UIMC1: variants seen among roughly 807,000 people sequenced by gnomAD.
UIMC1 encodes BRCA1-A complex subunit RAP80.
Under a neutral mutation model 84.9 loss-of-function variants are expected in UIMC1, and 42 were observed. The ratio of observed to expected loss-of-function variants is 0.49; its 90% CI spans 0.39 to 0.64. The LOEUF (loss-of-function observed/expected upper bound fraction) is 0.64, where lower values mean the gene tolerates loss of function less well. UIMC1 is among the 30% of genes least tolerant of loss of function. The pLI is 0.00. For synonymous variants in UIMC1, 281 were observed against 293.0 expected, an observed-to-expected ratio of 0.96 and a Z score of 0.42; for missense variants, 825 against 847.6, an observed-to-expected ratio of 0.97 and a Z score of 0.33.
intron 1 of UIMC1, among the ~76,000 whole-genome samples, chr5:176,985,721 C>G (rs1297457410): frequency 6.6e-6 from 1 of 152,162 alleles, no homozygotes; most frequent in African/African-American, 2.4e-5. Flanking sequence ...CCTCCCACCT[C>G]AGCTTCCTGT....
At chr5:176,964,575 AAT>A (rs1362083108) in intron 6 of UIMC1, among the ~76,000 whole-genome samples, 2 of 152,232 alleles carry the variant, frequency 1.3e-5, no homozygotes, top group African/African-American at 4.8e-5. Flanking sequence ...CATAAACTGG[AAT>A]ATAATATAGC....
chr5:176,982,653 G>T, intron 1 of UIMC1, 30 bp from the exon 2 acceptor site: 1 of 1,581,472 alleles, frequency 6.3e-7, no homozygotes, highest in South Asian at 1.2e-5. Context: ...ATTTTGTCTA[G>T]AATAAAAAGA....
Position 176,982,548 on chromosome 5 carries a change from T to C in UIMC1, c.68A>G (p.Glu23Gly), listed in dbSNP as rs1561878479. 2 of 1,614,108 alleles carry C rather than the reference T, an allele frequency of 1.2e-6. No homozygotes were observed. Among genetic ancestry groups the C allele is most frequent in the Admixed American group, 3.3e-5 (2 of 59,964 alleles). Residue 23 changes from glutamate (E) to glycine (G), a missense_variant, in exon 2 of 15, where the codon GAA becomes GGA. Physicochemically the swap from Glu to Gly is moderately conservative, Grantham distance 98. Coordinates refer to ENST00000511320, the MANE Select transcript of UIMC1 (RefSeq NM_001199298.2). ...ESRNLEKKDV[E>G]TTSSVSVKRK... ...CTTCACACTGACAGAACTGGTAGTTTCCACATCCTTCTTCTCCAGGTTCCG... is the reference window on the plus strand; with the variant it reads ...CTTCACACTGACAGAACTGGTAGTTCCCACATCCTTCTTCTCCAGGTTCCG...
chr5:176,940,577 TA>T (rs920793171), intron 10 of UIMC1, among the ~76,000 whole-genome samples: 253 of 147,354 alleles, frequency 1.7e-3, no homozygotes, highest in African/African-American at 5.9e-3. Context: ...AACACTCAGC[TA>T]AAAAAAAAAC....
intron 1 of UIMC1, 107 bp from the exon 2 acceptor site, chr5:176,982,730 C>T (rs182185690): frequency 1.0e-5 from 13 of 1,300,188 alleles, no homozygotes; most frequent in East Asian, 2.6e-5. Context: ...GAGATGGTCT[C>T]GCTTTGTTGC....
intron 1 of UIMC1, among the ~76,000 whole-genome samples, chr5:177,018,458 A>G (rs1277860765): frequency 1.3e-5 from 2 of 152,202 alleles, no homozygotes; most frequent in South Asian, 2.1e-4. Context: ...GCACATACAG[A>G]GTCAGTATTT....
intron 1 of UIMC1, among the ~76,000 whole-genome samples, chr5:176,995,020 A>T (rs1315030742): frequency 1.3e-5 from 2 of 152,072 alleles, no homozygotes; most frequent in Non-Finnish European, 2.9e-5. Context: ...CTGGCTTTTC[A>T]GATAGTGTTA....
intron 10 of UIMC1, among the ~76,000 whole-genome samples, chr5:176,925,078 A>G (rs1762226843): frequency 6.6e-6 from 1 of 152,128 alleles, no homozygotes; most frequent in African/African-American, 2.4e-5. Context: ...AGGCAAGTAC[A>G]CGCTAGAAAA....
At chr5:177,010,034 C>G (rs1025794727), upstream of UIMC1, among the ~76,000 whole-genome samples, 1 of 151,446 alleles carries the variant, frequency 6.6e-6, no homozygotes, top group African/African-American at 2.4e-5. Context: ...TATACAGATG[C>G]CGTGTGGCCA....
intron 10 of UIMC1, among the ~76,000 whole-genome samples, chr5:176,930,371 A>G (rs1482890201): frequency 6.6e-6 from 1 of 152,238 alleles, no homozygotes; most frequent in Non-Finnish European, 1.5e-5. Context: ...GGAAGATTCT[A>G]TAGAGCACAG....
At chr5:176,954,651 C>T (rs1766356392) in intron 8 of UIMC1, among the ~76,000 whole-genome samples, 1 of 150,154 alleles carries the variant, frequency 6.7e-6, no homozygotes, top group South Asian at 2.1e-4. Context: ...ACTCGGGAGG[C>T]TGAGGAGTGA....
At chr5:176,907,284 C>T in intron 12 of UIMC1, 107 bp from the exon 13 acceptor site, 4 of 1,090,658 alleles carry the variant, frequency 3.7e-6, no homozygotes, top group Non-Finnish European at 5.4e-6. Flanking sequence ...GGTGTGGGGG[C>T]CACAGCTCTA....
intron 1 of UIMC1, among the ~76,000 whole-genome samples, chr5:177,005,029 G>A (rs1775062600): frequency 6.6e-6 from 1 of 151,960 alleles, no homozygotes; most frequent in Non-Finnish European, 1.5e-5. Context: ...GAGAAGCTGG[G>A]AACCACAGGC....
intron 8 of UIMC1, among the ~76,000 whole-genome samples, chr5:176,955,478 T>A (rs977056503): frequency 2.0e-5 from 3 of 152,134 alleles, no homozygotes; most frequent in Admixed American, 6.5e-5. Flanking sequence ...ACATCTGTAA[T>A]CCTAGCACTT....
rs77791940 is a variant in UIMC1, at chr5:177,018,257, G to A, written c.-9+4207C>T. On this transcript the variant is annotated intron_variant, in intron 1 of 5. Transcript: ENST00000509236. The stretch of plus-strand genomic sequence containing the variant: ...TCCTAGCTACTTAGGAGGCTGAGGC[G>A]GAGAATTGTTTGAACCTGGGAGGCG... 1.7e-3 allele frequency among the ~76,000 whole-genome samples: 265 copies of A among 151,590 alleles called. 2 individuals carry two copies. In the East Asian group the frequency reaches 0.033, roughly 19 times the overall value.
intron 10 of UIMC1, among the ~76,000 whole-genome samples, chr5:176,915,241 CT>C (rs34866468): frequency 0.55 from 77,156 of 139,098 alleles, 21,709 homozygotes; most frequent in African/African-American, 0.75. Context: ...TATTTTGTTT[CT>C]TTTTTTTTTT....
At chr5:176,996,860 A>G (rs1171680211) in intron 1 of UIMC1, among the ~76,000 whole-genome samples, 1 of 152,162 alleles carries the variant, frequency 6.6e-6, no homozygotes, top group Non-Finnish European at 1.5e-5. Context: ...AAATGAGAAG[A>G]TGAGTCAGAG....
intron 1 of UIMC1, among the ~76,000 whole-genome samples, chr5:177,000,518 G>A (rs1221711570): frequency 6.5e-5 from 2 of 30,800 alleles, no homozygotes; most frequent in African/African-American, 3.7e-4. Context: ...TTTTTTTTTT[G>A]AGATGGAGTT....
intron 2 of UIMC1, among the ~76,000 whole-genome samples, chr5:176,982,153 G>A (rs1771158458): frequency 6.6e-6 from 1 of 152,098 alleles, no homozygotes; most frequent in Non-Finnish European, 1.5e-5. Flanking sequence ...ACATTCACGT[G>A]TTTTTCCTCT....
Sources: allele counts gnomAD v4.1 joint callset (sites outside exome capture counted in the v4.1 genomes callset), GRCh38; gene constraint gnomAD v4.1.1; transcripts MANE v1.5; gene names NCBI Gene and HGNC (gene_info 2026-07-23, HGNC 2026-07-21).